CENPK: variants seen among roughly 807,000 people sequenced by gnomAD.
CENPK encodes the protein centromere protein K, also known as SoxLZ/Sox6-binding protein Solt.
In CENPK, 46 loss-of-function variants were observed where a neutral mutation model predicts 40.9. The ratio of observed to expected loss-of-function variants is 1.13; its 90% confidence interval spans 0.89 to 1.44. The LOEUF (loss-of-function observed/expected upper bound fraction) is 1.44. Among genes scored for constraint, CENPK ranks in the 40% most tolerant of loss-of-function variants. The probability of loss-of-function intolerance (pLI) is 0.00; values close to 1 mark genes in which losing one functional copy is unlikely to be tolerated. For synonymous variants in CENPK, 107 were observed against 104.4 expected (o/e 1.02, Z -0.15); for missense variants, 288 against 303.5 (o/e 0.95, Z 0.38).
chr5:65,541,766 T>C (rs1748028729), intron 6 of CENPK, among the ~76,000 whole-genome samples: 1 of 152,242 alleles, frequency 6.6e-6, no homozygotes, highest in Non-Finnish European at 1.5e-5. Context: ...TTCAAAATTC[T>C]TCCTTCTACT....
chr5:65,510,496 C>T, the CENPK span, among the ~76,000 whole-genome samples: 3 of 152,010 alleles, frequency 2.0e-5, no homozygotes, highest in Non-Finnish European at 2.9e-5. Flanking sequence ...AAATGGCGTC[C>T]GGGCACGGTG....
At chr5:65,554,353 T>C (rs1421322358) in intron 3 of CENPK, among the ~76,000 whole-genome samples, 2 of 152,142 alleles carry the variant, frequency 1.3e-5, no homozygotes, top group African/African-American at 2.4e-5. Flanking sequence ...GGTTTCACCA[T>C]GTCGGCCAGG....
intron 6 of CENPK, among the ~76,000 whole-genome samples, chr5:65,539,234 A>G (rs1393385166): frequency 1.3e-5 from 2 of 152,216 alleles, no homozygotes; most frequent in East Asian, 1.9e-4. Context: ...TTCCATCCCA[A>G]TAGCCACAAA....
chr5:65,503,052 G>T, the CENPK span, among the ~76,000 whole-genome samples: 1 of 151,230 alleles, frequency 6.6e-6, no homozygotes, highest in South Asian at 2.1e-4. Context: ...ATCTGTCTCA[G>T]CCTCCCAAAG....
At position 65,528,650 on chromosome 5, in the gene CENPK, T is replaced by A. The variant is rs372297020; in HGVS notation, c.471-72A>T. On this transcript the variant is annotated intron_variant, in intron 8 of 10. Transcript: ENST00000396679. ...ATACACACATGTAACTAGTTATTCA[T>A]GAAGTTGATCAAAAACTTTGTTAAA... The A allele has an allele frequency of 1.3e-5, 18 of 1,395,244 alleles. No individual in the cohort carries two copies. In the African/African-American group the frequency reaches 2.7e-4, roughly 21 times the overall value. The allele number at this position is 1,395,244 out of a possible 1,614,324, so 86.4% of individuals were successfully genotyped here.
the CENPK span, among the ~76,000 whole-genome samples, chr5:65,498,009 G>C: frequency 6.6e-6 from 1 of 152,028 alleles, no homozygotes; most frequent in African/African-American, 2.4e-5. Flanking sequence ...ATGCCAAGAA[G>C]GAAGAAATTG....
chr5:65,550,233 GC>G (rs1749737861), intron 5 of CENPK, among the ~76,000 whole-genome samples: 2 of 151,500 alleles, frequency 1.3e-5, no homozygotes, highest in Admixed American at 1.3e-4. Flanking sequence ...GCTAACTGGT[GC>G]CGGAGGCCTA....
At chr5:65,527,485 G>C (rs1744907998) in intron 9 of CENPK, among the ~76,000 whole-genome samples, 1 of 115,144 alleles carries the variant, frequency 8.7e-6, no homozygotes, top group African/African-American at 3.2e-5. Flanking sequence ...AATTTCAAAA[G>C]TCTTATTAAC....
chr5:65,528,356 G>A (rs1389259099), intron 9 of CENPK, 96 bp downstream of exon 9: 5 of 1,075,340 alleles, frequency 4.6e-6, no homozygotes, highest in East Asian at 3.2e-5. Flanking sequence ...CCATACATGT[G>A]CATACCTTTG....
intron 8 of CENPK, 37 bp from the exon 9 acceptor site, chr5:65,528,615 G>C (rs780289086): frequency 6.8e-6 from 10 of 1,470,118 alleles, no homozygotes; most frequent in Non-Finnish European, 9.0e-6. Flanking sequence ...ACATTTAACT[G>C]ATAAAACACA....
intron 6 of CENPK, 26 bp from the exon 7 acceptor site, chr5:65,529,225 T>G: frequency 6.8e-7 from 1 of 1,471,712 alleles, no homozygotes; most frequent in South Asian, 1.2e-5. Flanking sequence ...TCAAATTAAT[T>G]GCTTGGTCTT....
chr5:65,521,220 A>G (rs555002102), intron 10 of CENPK, among the ~76,000 whole-genome samples: 8 of 152,254 alleles, frequency 5.3e-5, no homozygotes, highest in African/African-American at 1.9e-4. Context: ...TTTACCTGTA[A>G]TAAATCTTGG....
intron 2 of CENPK, chr5:65,555,401 T>A (rs1407809600): frequency 6.5e-6 from 1 of 153,672 alleles, no homozygotes; most frequent in East Asian, 1.9e-4. Context: ...CTGGTGTGAT[T>A]ACAGCAGATT....
At chr5:65,508,484 C>A in the CENPK span, among the ~76,000 whole-genome samples, 1 of 152,042 alleles carries the variant, frequency 6.6e-6, no homozygotes, top group Non-Finnish European at 1.5e-5. Context: ...CATACACGAA[C>A]ATAAAAGTTA....
Position 65,528,920 on chromosome 5 carries a change from T to A in CENPK, c.469A>T (p.Arg157Ter). 6.7e-7 allele frequency: 1 copy of A among 1,501,308 alleles called. No homozygotes were observed. Among genetic ancestry groups the A allele is most frequent in the Non-Finnish European group, 9.2e-7 (1 of 1,091,416 alleles). 93.0% of individuals were successfully genotyped at this position (1,501,308 alleles called of 1,614,324 possible). Residue 157 changes from arginine to a stop codon, truncating the protein, a stop_gained and splice_region_variant, in exon 8 of 11, where the codon AGA (arginine) becomes TGA (stop). Coordinates refer to ENST00000396679, the MANE Select transcript of CENPK (RefSeq NM_022145.5). LOFTEE classifies it high-confidence loss of function. ...KNKVETFSES[R>*]IFNELKTKML... is the part of the protein sequence containing the mutation. ...AAACCTAGAACATAAAATTAATACC[T>A]TGATTCAGAAAATGTTTCAACCTTA...
At position 65,553,374 on chromosome 5, in the gene CENPK, T is replaced by C. The variant is rs144067987; in HGVS notation, c.112-825A>G. Among the ~76,000 whole-genome samples, 638 of 147,970 alleles carry C rather than the reference T, an allele frequency of 4.3e-3. 2 individuals carry two copies. Among genetic ancestry groups the C allele is most frequent in the Non-Finnish European group, 6.5e-3 (434 of 66,802 alleles). ...TGATCAGCCAAAAAAAAAAAAGAAA[T>C]CGAAATCCATAATGCTTTAAGAAAG... On this transcript the variant is annotated intron_variant, in intron 3 of 10. Transcript: ENST00000396679.
At chr5:65,513,965 TTGA>T (rs1404660376), downstream of CENPK, among the ~76,000 whole-genome samples, 1 of 152,216 alleles carries the variant, frequency 6.6e-6, no homozygotes. Context: ...TCTGCATGTA[TTGA>T]TATGATCATG....
intron 2 of CENPK, among the ~76,000 whole-genome samples, chr5:65,559,053 A>T (rs1561703085): frequency 1.3e-5 from 2 of 152,224 alleles, no homozygotes; most frequent in Non-Finnish European, 2.9e-5. Flanking sequence ...TGCAATAAAG[A>T]ATGATGAGGA....
At chr5:65,525,093 G>A (rs1744443634) in intron 9 of CENPK, among the ~76,000 whole-genome samples, 1 of 152,094 alleles carries the variant, frequency 6.6e-6, no homozygotes, top group Non-Finnish European at 1.5e-5. Flanking sequence ...GCATAGTGGT[G>A]CACACCTGTA....
Sources: allele counts gnomAD v4.1 joint callset (sites outside exome capture counted in the v4.1 genomes callset), GRCh38; gene constraint gnomAD v4.1.1; transcripts MANE v1.5; gene names NCBI Gene and HGNC (gene_info 2026-07-23, HGNC 2026-07-21).